PDE10A: variants seen among roughly 807,000 people sequenced by gnomAD.
PDE10A encodes phosphodiesterase 10A, also known as cAMP and cAMP-inhibited cGMP 3',5'-cyclic phosphodiesterase 10A.
In PDE10A, 39 loss-of-function variants were observed where a neutral mutation model predicts 97.7. The ratio of observed to expected loss-of-function variants is 0.40; its 90% CI spans 0.31 to 0.52. The LOEUF is 0.52. Among genes scored for constraint, PDE10A ranks in the 20% least tolerant of loss-of-function variants. The probability of loss-of-function intolerance (pLI) is 0.56; values close to 1 mark genes in which losing one functional copy is unlikely to be tolerated. For missense variants in PDE10A, 731 were observed against 1,047.8 expected, an observed-to-expected ratio of 0.70 and a Z score of 4.17; for synonymous variants, 371 against 376.8, an observed-to-expected ratio of 0.98 and a Z score of 0.18.
intron 1 of PDE10A, among the ~76,000 whole-genome samples, chr6:165,543,999 C>T (rs1293241549): frequency 1.3e-5 from 2 of 151,968 alleles, no homozygotes; most frequent in Admixed American, 1.3e-4. Flanking sequence ...TACATATGAA[C>T]CAATGCCAAG....
chr6:165,367,512 A>C (rs1290702855), intron 18 of PDE10A, among the ~76,000 whole-genome samples: 1 of 152,124 alleles, frequency 6.6e-6, no homozygotes, highest in Non-Finnish European at 1.5e-5. Flanking sequence ...GTAATGCTTG[A>C]AACTTCTCCA....
chr6:165,394,518 C>A (rs1785985553), intron 15 of PDE10A, among the ~76,000 whole-genome samples: 1 of 152,108 alleles, frequency 6.6e-6, no homozygotes, highest in Non-Finnish European at 1.5e-5. Context: ...AACAGTGCCA[C>A]AATAAACATA....
At chr6:165,497,887 T>C (rs1046138790) in intron 2 of PDE10A, among the ~76,000 whole-genome samples, 3 of 152,196 alleles carry the variant, frequency 2.0e-5, no homozygotes, top group Non-Finnish European at 2.9e-5. Flanking sequence ...TCTGTCGACA[T>C]TTGAGGCAGT....
intron 1 of PDE10A, among the ~76,000 whole-genome samples, chr6:165,874,635 C>T (rs1342166698): frequency 6.6e-6 from 1 of 152,206 alleles, no homozygotes; most frequent in Non-Finnish European, 1.5e-5. Flanking sequence ...TATGTGTTTT[C>T]TATGTCCTCT....
chr6:165,445,915 A>AGG (rs1790819291), intron 5 of PDE10A, among the ~76,000 whole-genome samples: 2 of 152,016 alleles, frequency 1.3e-5, no homozygotes, highest in African/African-American at 2.4e-5. Context: ...AGAGAGAGAG[A>AGG]GAGAAAGGAA....
chr6:165,738,601 A>C (rs1792641798), intron 1 of PDE10A, among the ~76,000 whole-genome samples: 1 of 151,830 alleles, frequency 6.6e-6, no homozygotes, highest in African/African-American at 2.4e-5. Context: ...GACTTCCACA[A>C]TGGTTGAACT....
rs146106081 is a variant in PDE10A at position 165,495,206 on chromosome 6, A to G, written c.995-12863T>C. Among the ~76,000 whole-genome samples the G allele has an allele frequency of 1.5e-3, 223 of 152,312 alleles. 7 individuals are homozygous for G. In the East Asian group the frequency reaches 0.036, roughly 24 times the overall value. ...AATTTCGTGGTTTTGAGAGAATCAC[A>G]AACAAGAAAGCTTCTCAGACCTAGC... On this transcript the variant is annotated intron_variant, in intron 2 of 21. Transcript: ENST00000539869.
At chr6:165,734,063 G>A (rs1163109674) in intron 1 of PDE10A, among the ~76,000 whole-genome samples, 1 of 152,184 alleles carries the variant, frequency 6.6e-6, no homozygotes, top group South Asian at 2.1e-4. Flanking sequence ...CTCCAGAAGG[G>A]CTCCATTCCC....
intron 1 of PDE10A, among the ~76,000 whole-genome samples, chr6:165,884,038 G>A (rs921124794): frequency 2.6e-5 from 4 of 152,082 alleles, no homozygotes; most frequent in African/African-American, 9.7e-5. Context: ...CTACCACCTC[G>A]AGCACAGATG....
chr6:165,844,589 TA>T (rs1020855031), intron 1 of PDE10A, among the ~76,000 whole-genome samples: 3 of 152,256 alleles, frequency 2.0e-5, no homozygotes, highest in African/African-American at 7.2e-5. Flanking sequence ...GTTCTTTATA[TA>T]AAAGTTAACT....
In PDE10A at chr6:165,856,312, G is replaced by A. The variant is rs547049856; in HGVS notation, c.-615+131217C>T. 5.9e-5 allele frequency among the ~76,000 whole-genome samples: 9 copies of A among 152,246 alleles called. No individual in the cohort carries two copies. In the South Asian group the frequency reaches 1.5e-3, roughly 25 times the overall value. On this transcript the variant is annotated intron_variant, in intron 1 of 19. Transcript: ENST00000366882. ...TAGATAATGCCTTCATCACAGGGCC[G>A]CACCACCCCCTGCCTGACTCTACGG...
Position 165,662,814 on chromosome 6 carries a change from T to C in PDE10A, c.-3A>G, listed in dbSNP as rs1454971706. 1.4e-5 allele frequency among the ~76,000 whole-genome samples: 2 copies of C among 146,320 alleles called. No individual in the cohort carries two copies. The highest frequency in any genetic ancestry group is 3.0e-5 in the Non-Finnish European group (2 of 66,020). ...AGAGGCTCCTCGAGGCTGGCCATGG[T>C]TCCTCCCCGGGCCGCGGAGGGGCAG... On this transcript the variant is annotated 5_prime_UTR_variant, in exon 1 of 22. Transcript: ENST00000539869.
intron 5 of PDE10A, among the ~76,000 whole-genome samples, chr6:165,442,052 T>C (rs558912152): frequency 1.3e-5 from 2 of 152,306 alleles, no homozygotes; most frequent in Admixed American, 1.3e-4. Flanking sequence ...TTCTTTTTTG[T>C]CAGTTTAGTA....
intron 1 of PDE10A, among the ~76,000 whole-genome samples, chr6:165,659,321 T>C (rs1292744809): frequency 1.3e-5 from 2 of 152,184 alleles, no homozygotes; most frequent in Non-Finnish European, 2.9e-5. Flanking sequence ...GACACATTTG[T>C]ATGCATTTGG....
At chr6:165,825,289 G>T (rs1387512629) in intron 1 of PDE10A, among the ~76,000 whole-genome samples, 1 of 152,148 alleles carries the variant, frequency 6.6e-6, no homozygotes, top group Non-Finnish European at 1.5e-5. Context: ...GTCTGGATGA[G>T]GAAGCCGAGG....
chr6:165,705,329 G>C (rs1002746165), intron 1 of PDE10A, among the ~76,000 whole-genome samples: 1 of 152,236 alleles, frequency 6.6e-6, no homozygotes, highest in Non-Finnish European at 1.5e-5. Flanking sequence ...GACTGCTCCA[G>C]CTGCCTACAA....
chr6:165,589,277 C>T (rs1411663977), intron 1 of PDE10A, among the ~76,000 whole-genome samples: 2 of 152,106 alleles, frequency 1.3e-5, no homozygotes, highest in East Asian at 1.9e-4. Context: ...GTATAAGGTC[C>T]CACGCAGCCT....
chr6:165,705,416 T>C (rs943510623), intron 1 of PDE10A, among the ~76,000 whole-genome samples: 2 of 152,218 alleles, frequency 1.3e-5, no homozygotes, highest in Admixed American at 6.5e-5. Context: ...GGAGTTCTTG[T>C]ACAGTTTTCT....
rs1331330066 is a variant in PDE10A at position 165,609,652 on chromosome 6, C to T, written c.865+52295G>A. ...ATCTCCTTAAGCTGATAGGCAACTT[C>T]AGCAAAGTCTCAGAATACAAAATCG... On this transcript the variant is annotated intron_variant, in intron 1 of 21. Coordinates refer to ENST00000539869, the MANE Select transcript of PDE10A (RefSeq NM_001385079.1). 6.6e-5 allele frequency among the ~76,000 whole-genome samples: 10 copies of T among 152,208 alleles called. No individual in the cohort carries two copies. The South Asian group carries it at 2.1e-3, about 32-fold the overall frequency.
Sources: allele counts gnomAD v4.1 joint callset (sites outside exome capture counted in the v4.1 genomes callset), GRCh38; gene constraint gnomAD v4.1.1; transcripts MANE v1.5; gene names NCBI Gene and HGNC (gene_info 2026-07-23, HGNC 2026-07-21).